The following ABTB3 variants were observed in gnomAD, a reference collection of about 807,000 sequenced individuals.
The protein encoded by ABTB3 is ankyrin repeat and BTB domain containing 3, also known as ankyrin repeat- and BTB/POZ domain-containing protein 3.
the ABTB3 span, among the ~76,000 whole-genome samples, chr12:107,350,977 C>T: frequency 1.3e-5 from 2 of 152,064 alleles, no homozygotes; most frequent in Non-Finnish European, 2.9e-5. Context: ...TTCCATTGTG[C>T]CATAGTGCTG....
chr12:107,363,359 A>G, the ABTB3 span, among the ~76,000 whole-genome samples: 1 of 152,250 alleles, frequency 6.6e-6, no homozygotes, highest in Non-Finnish European at 1.5e-5. Flanking sequence ...GAGGTTTCTG[A>G]TGATTCCATT....
At chr12:107,410,808 AG>A in the ABTB3 span, among the ~76,000 whole-genome samples, 1 of 152,174 alleles carries the variant, frequency 6.6e-6, no homozygotes, top group African/African-American at 2.4e-5. Flanking sequence ...ATCCTAGGCT[AG>A]CTGAATTGAA....
At chr12:107,502,979 T>C in the ABTB3 span, among the ~76,000 whole-genome samples, 1 of 152,094 alleles carries the variant, frequency 6.6e-6, no homozygotes, top group South Asian at 2.1e-4. Flanking sequence ...GTAAGGCCAA[T>C]GGATCAGGAG....
the ABTB3 span, among the ~76,000 whole-genome samples, chr12:107,380,935 T>C: frequency 2.0e-5 from 3 of 152,184 alleles, no homozygotes; most frequent in African/African-American, 7.2e-5. Flanking sequence ...TACTATATAT[T>C]CAGTTATAGG....
At chr12:107,375,121 A>G in the ABTB3 span, among the ~76,000 whole-genome samples, 1 of 152,190 alleles carries the variant, frequency 6.6e-6, no homozygotes, top group Non-Finnish European at 1.5e-5. Flanking sequence ...GGTTCCCTTT[A>G]AAATAACAGT....
the ABTB3 span, among the ~76,000 whole-genome samples, chr12:107,421,976 A>T: frequency 0.13 from 19,514 of 152,242 alleles, 1,693 homozygotes; most frequent in Admixed American, 0.25. Context: ...GGCCTGAGGG[A>T]ACTTATACTC....
chr12:107,453,261 CAGG>C, the ABTB3 span, among the ~76,000 whole-genome samples: 3 of 152,268 alleles, frequency 2.0e-5, no homozygotes, highest in African/African-American at 7.2e-5. Flanking sequence ...CTAAGAGCAA[CAGG>C]AGATGATGGG....
At chr12:107,615,829 A>T in the ABTB3 span, among the ~76,000 whole-genome samples, 1 of 152,162 alleles carries the variant, frequency 6.6e-6, no homozygotes, top group African/African-American at 2.4e-5. Flanking sequence ...CATAAGCTTG[A>T]TCTTTACTTC....
At chr12:107,609,360 T>A in the ABTB3 span, among the ~76,000 whole-genome samples, 2 of 152,250 alleles carry the variant, frequency 1.3e-5, no homozygotes, top group African/African-American at 2.4e-5. Context: ...ACATCCTTTA[T>A]AAGCAGAATT....
the ABTB3 span, among the ~76,000 whole-genome samples, chr12:107,655,216 CAGG>C: frequency 6.6e-6 from 1 of 152,032 alleles, no homozygotes; most frequent in Non-Finnish European, 1.5e-5. Flanking sequence ...GCTGGGAATA[CAGG>C]CTTAGAACAC....
chr12:107,332,520 G>A, the ABTB3 span, among the ~76,000 whole-genome samples: 7 of 152,118 alleles, frequency 4.6e-5, no homozygotes, highest in East Asian at 1.9e-4. Flanking sequence ...CCTAACCACC[G>A]TGCCTTGAGG....
chr12:107,427,896 G>A, the ABTB3 span, among the ~76,000 whole-genome samples: 5 of 152,294 alleles, frequency 3.3e-5, no homozygotes, highest in African/African-American at 7.2e-5. Flanking sequence ...TGCTGACCAC[G>A]TCAAAATCTG....
the ABTB3 span, among the ~76,000 whole-genome samples, chr12:107,564,376 T>C: frequency 3.0e-4 from 45 of 152,302 alleles, no homozygotes; most frequent in African/African-American, 1.1e-3. Flanking sequence ...CTTTTTCTCC[T>C]TGAGGCTTAA....
the ABTB3 span, among the ~76,000 whole-genome samples, chr12:107,569,253 A>G: frequency 2.0e-5 from 3 of 152,244 alleles, no homozygotes; most frequent in African/African-American, 4.8e-5. Flanking sequence ...GGTTGTGGAA[A>G]AAAGAGATTC....
chr12:107,390,393 G>T, the ABTB3 span, among the ~76,000 whole-genome samples: 3 of 152,218 alleles, frequency 2.0e-5, no homozygotes, highest in African/African-American at 7.2e-5. Context: ...ATTCTAACAG[G>T]TTAGCCTGAT....
chr12:107,516,673 A>C, the ABTB3 span, among the ~76,000 whole-genome samples: 1 of 152,220 alleles, frequency 6.6e-6, no homozygotes, highest in Admixed American at 6.5e-5. Flanking sequence ...GCCACCAATC[A>C]GGCAGTGGGG....
At chr12:107,564,417 C>A in the ABTB3 span, among the ~76,000 whole-genome samples, 4 of 152,302 alleles carry the variant, frequency 2.6e-5, no homozygotes, top group South Asian at 6.2e-4. Flanking sequence ...TTTGGTGCAG[C>A]TTCGCATTAT....
chr12:107,336,664 C>A, the ABTB3 span, among the ~76,000 whole-genome samples: 1 of 152,226 alleles, frequency 6.6e-6, no homozygotes, highest in Non-Finnish European at 1.5e-5. Flanking sequence ...GAATGACCCA[C>A]TAACCTATCA....
At chr12:107,375,354 G>T in the ABTB3 span, among the ~76,000 whole-genome samples, 5 of 152,154 alleles carry the variant, frequency 3.3e-5, no homozygotes, top group African/African-American at 7.2e-5. Flanking sequence ...GGAGATTAAG[G>T]CTGCAGTGAG....
Sources: allele counts gnomAD v4.1 joint callset (sites outside exome capture counted in the v4.1 genomes callset), GRCh38; gene constraint gnomAD v4.1.1; transcripts MANE v1.5; gene names NCBI Gene and HGNC (gene_info 2026-07-23, HGNC 2026-07-21).